The following SMC5 variants were observed in gnomAD, a reference collection of about 807,000 sequenced individuals.
SMC5 encodes the protein structural maintenance of chromosomes 5, also known as structural maintenance of chromosomes protein 5.
A neutral mutation model predicts 148.3 loss-of-function variants in SMC5; 88 were observed. The ratio of observed to expected loss-of-function variants is 0.59; its 90% CI spans 0.50 to 0.71. The LOEUF is 0.71. Ranked by LOEUF, SMC5 falls within the 30% of genes least tolerant of loss-of-function variation. The pLI, the probability that SMC5 is intolerant of heterozygous loss-of-function variation, is 0.00. For missense variants in SMC5, 1,142 were observed against 1,298.9 expected (o/e 0.88, Z 1.86); for synonymous variants, 421 against 432.8 (o/e 0.97, Z 0.34).
At chr9:70,314,117 C>T (rs1459198689) in intron 11 of SMC5, among the ~76,000 whole-genome samples, 1 of 151,858 alleles carries the variant, frequency 6.6e-6, no homozygotes, top group Non-Finnish European at 1.5e-5. Flanking sequence ...CTTTGCAGCT[C>T]CCTTCTTCCA....
chr9:70,321,620 A>C (rs1035346231), intron 15 of SMC5, among the ~76,000 whole-genome samples: 7 of 151,968 alleles, frequency 4.6e-5, no homozygotes, highest in Non-Finnish European at 1.0e-4. Context: ...GACCTCAATC[A>C]GTCCTCCCGC....
chr9:70,291,610 A>G (rs531785894), intron 8 of SMC5, among the ~76,000 whole-genome samples: 3 of 152,218 alleles, frequency 2.0e-5, no homozygotes, highest in South Asian at 2.1e-4. Flanking sequence ...TGGTTAGCTT[A>G]TTGTTTGCTG....
At chr9:70,325,254 T>TGA (rs2036049503) in intron 17 of SMC5, among the ~76,000 whole-genome samples, 3 of 152,204 alleles carry the variant, frequency 2.0e-5, no homozygotes, top group Non-Finnish European at 4.4e-5. Context: ...CAGACTTTCC[T>TGA]ATTGCTCAAT....
intron 9 of SMC5, among the ~76,000 whole-genome samples, chr9:70,298,426 C>T (rs538059978): frequency 2.4e-4 from 37 of 152,234 alleles, no homozygotes; most frequent in Middle Eastern, 3.4e-3. Flanking sequence ...CCACTGTCTT[C>T]TATCAGATTA....
chr9:70,340,037 T>C (rs1469848983), intron 17 of SMC5, among the ~76,000 whole-genome samples: 1 of 152,176 alleles, frequency 6.6e-6, no homozygotes, highest in Non-Finnish European at 1.5e-5. Flanking sequence ...ACCTACCTAA[T>C]TTGGAGGGAT....
intron 2 of SMC5, among the ~76,000 whole-genome samples, chr9:70,265,745 T>C (rs926760673): frequency 1.3e-5 from 2 of 152,178 alleles, no homozygotes; most frequent in African/African-American, 4.8e-5. Flanking sequence ...AAACAGACTT[T>C]AGAGCAAAAA....
chr9:70,322,547 A>G (rs983827423), intron 15 of SMC5, among the ~76,000 whole-genome samples: 5 of 152,192 alleles, frequency 3.3e-5, no homozygotes, highest in African/African-American at 1.2e-4. Flanking sequence ...AAGAATATTC[A>G]TTATGAGGCC....
At chr9:70,313,616 A>G (rs377211923) in intron 11 of SMC5, among the ~76,000 whole-genome samples, 37 of 151,728 alleles carry the variant, frequency 2.4e-4, no homozygotes, top group African/African-American at 8.0e-4. Flanking sequence ...TCCTGCCTCA[A>G]CCTCCCAAGT....
intron 8 of SMC5, among the ~76,000 whole-genome samples, chr9:70,288,663 T>G (rs1041309401): frequency 1.3e-5 from 2 of 152,096 alleles, no homozygotes; most frequent in Admixed American, 6.5e-5. Flanking sequence ...TTTGTTTCAA[T>G]TTAAGATATT....
intron 13 of SMC5, among the ~76,000 whole-genome samples, chr9:70,317,083 T>C (rs1470270349): frequency 2.0e-5 from 3 of 152,118 alleles, no homozygotes; most frequent in Admixed American, 1.3e-4. Context: ...AGTTAGAAAG[T>C]ATTTCAAGTA....
chr9:70,349,426 A>C (rs1587724028), intron 22 of SMC5, among the ~76,000 whole-genome samples: 3 of 152,196 alleles, frequency 2.0e-5, no homozygotes, highest in East Asian at 1.9e-4. Context: ...TAGAAGTGCC[A>C]TCAATAAGAA....
chr9:70,344,584 A>T (rs1377622039), intron 18 of SMC5: 1 of 153,238 alleles, frequency 6.5e-6, no homozygotes. Flanking sequence ...ATATTTTAAA[A>T]ATAAAGGGAA....
chr9:70,318,522 A>G lies in SMC5; in HGVS notation c.1815A>G (p.Gln605=). ...GTTGTTTTACGTTATAGGTAATACAAGAAACCCGATTAAAACAGATTTATA... is the reference window on the plus strand; with the variant it reads ...GTTGTTTTACGTTATAGGTAATACAGGAAACCCGATTAAAACAGATTTATA... ...KTRERIERVI[Q]ETRLKQIYTA... is the part of the protein sequence containing the mutation. The change falls in exon 14 of 25, where the codon CAA becomes CAG. Residue 605 remains glutamine, a synonymous_variant. Transcript: ENST00000361138. The G allele has an allele frequency of 6.3e-7, 1 of 1,598,746 alleles. No individual in the cohort carries two copies. Among genetic ancestry groups the G allele is most frequent in the Non-Finnish European group, 8.5e-7 (1 of 1,173,432 alleles).
chr9:70,281,881 T>C (rs762138427), intron 6 of SMC5, among the ~76,000 whole-genome samples: 2 of 152,058 alleles, frequency 1.3e-5, no homozygotes, highest in African/African-American at 2.4e-5. Flanking sequence ...TACTTATATG[T>C]TTATTTTTTC....
At chr9:70,281,043 C>CTTT in intron 6 of SMC5, 144 bp downstream of exon 6, 2 of 634,552 alleles carry the variant, frequency 3.2e-6, no homozygotes, top group Non-Finnish European at 4.8e-6. Flanking sequence ...AAATTCATGT[C>CTTT]TTTTTTTTTT....
At position 70,296,552 on chromosome 9, in the gene SMC5, CA is replaced by C. The variant is rs112744853; in HGVS notation, c.1054-1400del. Among the ~76,000 whole-genome samples, 876 of 112,598 alleles carry C rather than the reference CA, an allele frequency of 7.8e-3. 6 individuals carry two copies. Among genetic ancestry groups the C allele is most frequent in the African/African-American group, 0.018 (585 of 31,890 alleles). 73.9% of individuals were successfully genotyped at this position (112,598 alleles called of 152,430 possible). A position where few individuals can be genotyped will look rare whatever the true frequency, so the allele number is the denominator to read the frequency against. On this transcript the variant is annotated intron_variant, in intron 8 of 24. Transcript: ENST00000361138. Reference sequence around the variant, plus strand: ...TGGGCAACAGAGTGAGACTCTGTCTCAAAAAAAAAAAAAAGGTAAAAGTTTA... The same window carrying C: ...TGGGCAACAGAGTGAGACTCTGTCTCAAAAAAAAAAAAAGGTAAAAGTTTA...
intron 15 of SMC5, among the ~76,000 whole-genome samples, chr9:70,320,799 T>G (rs918240415): frequency 7.2e-5 from 11 of 152,328 alleles, no homozygotes; most frequent in African/African-American, 2.6e-4. Flanking sequence ...TGAATTTTAC[T>G]GCTTCATCAA....
At chr9:70,267,084 A>G (rs1267863542) in intron 2 of SMC5, among the ~76,000 whole-genome samples, 1 of 151,420 alleles carries the variant, frequency 6.6e-6, no homozygotes, top group Non-Finnish European at 1.5e-5. Context: ...TATTGTCTAT[A>G]AAATGAATGT....
At chr9:70,278,672 G>A (rs772813164) in intron 5 of SMC5, 47 bp downstream of exon 5, 2 of 1,548,126 alleles carry the variant, frequency 1.3e-6, no homozygotes, top group South Asian at 1.2e-5. Context: ...ATTGATTTCT[G>A]TATCTCAGAA....
Sources: allele counts gnomAD v4.1 joint callset (sites outside exome capture counted in the v4.1 genomes callset), GRCh38; gene constraint gnomAD v4.1.1; transcripts MANE v1.5; gene names NCBI Gene and HGNC (gene_info 2026-07-23, HGNC 2026-07-21).